Variants in OXR1 observed in about 807,000 individuals in gnomAD.
OXR1 encodes oxidation resistance 1.
In OXR1, 41 loss-of-function variants were observed where a neutral mutation model predicts 104.6. The observed-to-expected ratio is 0.39, with a 90% CI of 0.31 to 0.51. OXR1 has a LOEUF of 0.51. OXR1 is among the 20% of genes least tolerant of loss of function. The pLI, the probability that OXR1 is intolerant of heterozygous loss-of-function variation, is 0.77. For synonymous variants in OXR1, 348 were observed against 348.4 expected, an observed-to-expected ratio of 1.00 and a Z score of 0.01; for missense variants, 955 against 1,031.9, an observed-to-expected ratio of 0.93 and a Z score of 1.02.
intron 2 of OXR1, among the ~76,000 whole-genome samples, chr8:106,397,327 G>T (rs1586602424): frequency 6.6e-6 from 1 of 152,084 alleles, no homozygotes; most frequent in East Asian, 1.9e-4. Flanking sequence ...CTGAGGAGAG[G>T]AAGGTCACAC....
At chr8:106,308,404 C>A (rs1202497192) in intron 1 of OXR1, among the ~76,000 whole-genome samples, 1 of 152,156 alleles carries the variant, frequency 6.6e-6, no homozygotes, top group Non-Finnish European at 1.5e-5. Flanking sequence ...TTTCCAGAAA[C>A]GCCCACACAG....
At chr8:106,337,157 T>C (rs966506258) in intron 1 of OXR1, among the ~76,000 whole-genome samples, 1 of 152,222 alleles carries the variant, frequency 6.6e-6, no homozygotes, top group South Asian at 2.1e-4. Context: ...TTAATTGTGC[T>C]TTTTAAGGCT....
chr8:106,485,211 T>A (rs1810570059), intron 2 of OXR1, among the ~76,000 whole-genome samples: 1 of 152,060 alleles, frequency 6.6e-6, no homozygotes, highest in Admixed American at 6.6e-5. Flanking sequence ...TTTAGGGTAG[T>A]GAAAATACTC....
intron 1 of OXR1, among the ~76,000 whole-genome samples, chr8:106,271,547 T>TGCGTGTGTGC (rs1811810073): frequency 6.6e-6 from 1 of 151,840 alleles, no homozygotes; most frequent in Admixed American, 6.6e-5. Context: ...GGCGTGTGTG[T>TGCGTGTGTGC]GCGTGTGTGC....
At chr8:106,361,399 G>A (rs1473097758) in intron 2 of OXR1, among the ~76,000 whole-genome samples, 1 of 152,126 alleles carries the variant, frequency 6.6e-6, no homozygotes, top group Non-Finnish European at 1.5e-5. Flanking sequence ...TTCTGCATTA[G>A]ATTTCCATGC....
At chr8:106,284,273 G>T (rs1264813981) in intron 1 of OXR1, among the ~76,000 whole-genome samples, 2 of 152,014 alleles carry the variant, frequency 1.3e-5, no homozygotes, top group Non-Finnish European at 2.9e-5. Flanking sequence ...AGGCCACTTG[G>T]AGCTGGCGGC....
chr8:106,514,758 A>G (rs964578016), intron 2 of OXR1, among the ~76,000 whole-genome samples: 3 of 152,144 alleles, frequency 2.0e-5, no homozygotes, highest in Admixed American at 6.6e-5. Flanking sequence ...AAATGGGCCA[A>G]TGTAAAATAC....
At chr8:106,526,602 G>A (rs1249448453) in intron 3 of OXR1, among the ~76,000 whole-genome samples, 8 of 152,236 alleles carry the variant, frequency 5.3e-5, no homozygotes, top group Admixed American at 4.6e-4. Flanking sequence ...GAGTGCAGTG[G>A]CGCAATCTCG....
intron 2 of OXR1, among the ~76,000 whole-genome samples, chr8:106,483,735 AC>A (rs1240383324): frequency 6.6e-6 from 1 of 152,072 alleles, no homozygotes; most frequent in Non-Finnish European, 1.5e-5. Flanking sequence ...TGGATGAACA[AC>A]CAAATTTCCA....
At chr8:106,278,856 CTT>C (rs1191759252) in intron 1 of OXR1, among the ~76,000 whole-genome samples, 1 of 152,100 alleles carries the variant, frequency 6.6e-6, no homozygotes, top group Non-Finnish European at 1.5e-5. Context: ...AATCACATAT[CTT>C]TGCATTTTTA....
chr8:106,375,963 C>T (rs1262773135), intron 2 of OXR1, among the ~76,000 whole-genome samples: 3 of 152,208 alleles, frequency 2.0e-5, no homozygotes, highest in African/African-American at 7.2e-5. Context: ...CATCCTCACA[C>T]CTCAGCCTCT....
At chr8:106,270,998 C>G (rs972877429) in intron 1 of OXR1, among the ~76,000 whole-genome samples, 1 of 151,964 alleles carries the variant, frequency 6.6e-6, no homozygotes, top group African/African-American at 2.4e-5. Context: ...CGCTAGAGTA[C>G]CCGAGGCCAC....
At chr8:106,432,657 G>T (rs1478782445) in intron 2 of OXR1, among the ~76,000 whole-genome samples, 2 of 150,758 alleles carry the variant, frequency 1.3e-5, no homozygotes, top group Admixed American at 6.6e-5. Context: ...TTTTTTTTCT[G>T]CAAAACTTAC....
intron 1 of OXR1, among the ~76,000 whole-genome samples, chr8:106,282,261 G>C (rs756312863): frequency 6.6e-6 from 1 of 152,120 alleles, no homozygotes; most frequent in Admixed American, 6.5e-5. Context: ...AACCACATAA[G>C]TAATTAGCAG....
In OXR1 at chr8:106,497,173, T is replaced by C. The variant is rs547040885; in HGVS notation, c.24-21770T>C. On this transcript the variant is annotated intron_variant, in intron 2 of 16. Transcript: ENST00000517566. ...CTGTTATCTGTGTAAAGTGCACTAG[T>C]TCAGCACTTAACATGGGGCAGTTTA... Among the ~76,000 whole-genome samples the C allele has an allele frequency of 2.6e-5, 4 of 152,324 alleles. No individual in the cohort carries two copies. In the South Asian group the frequency reaches 8.3e-4, roughly 32 times the overall value.
intron 2 of OXR1, among the ~76,000 whole-genome samples, chr8:106,390,221 G>T (rs765564978): frequency 7.2e-5 from 11 of 151,968 alleles, no homozygotes; most frequent in Non-Finnish European, 1.6e-4. Context: ...GAAAACTAAG[G>T]TTTTATAGAT....
chr8:106,293,743 C>G (rs1228467062), intron 1 of OXR1, among the ~76,000 whole-genome samples: 1 of 152,126 alleles, frequency 6.6e-6, no homozygotes. Flanking sequence ...AACTCTTTGT[C>G]CTTACATGGC....
At chr8:106,540,803 C>A (rs1330468882) in intron 3 of OXR1, among the ~76,000 whole-genome samples, 3 of 152,190 alleles carry the variant, frequency 2.0e-5, no homozygotes, top group African/African-American at 7.2e-5. Flanking sequence ...TGCAGGCAAA[C>A]TCCTGTTTTG....
chr8:106,436,341 G>A (rs1283514153), intron 2 of OXR1, among the ~76,000 whole-genome samples: 1 of 152,024 alleles, frequency 6.6e-6, no homozygotes, highest in East Asian at 1.9e-4. Context: ...CTGGTAATTA[G>A]CATATCCAGG....
Sources: allele counts gnomAD v4.1 joint callset (sites outside exome capture counted in the v4.1 genomes callset), GRCh38; gene constraint gnomAD v4.1.1; transcripts MANE v1.5; gene names NCBI Gene and HGNC (gene_info 2026-07-23, HGNC 2026-07-21).